TEX9: variants seen among roughly 807,000 people sequenced by gnomAD.
The protein encoded by TEX9 is testis expressed 9.
TEX9 carries 74 observed loss-of-function variants against 59.6 expected under a neutral mutation model. The observed-to-expected ratio is 1.24, with a 90% CI of 1.03 to 1.51. TEX9 has a LOEUF of 1.51. Among genes scored for constraint, TEX9 ranks in the 40% most tolerant of loss-of-function variants. TEX9 has a pLI of 0.00. For synonymous variants in TEX9, 186 were observed against 152.2 expected, an observed-to-expected ratio of 1.22 and a Z score of -1.64; for missense variants, 522 against 447.8, an observed-to-expected ratio of 1.17 and a Z score of -1.49.
chr15:56,391,315 C>T, exon 7 of TEX9: 1 of 1,605,714 alleles, frequency 6.2e-7, no homozygotes, highest in African/African-American at 1.3e-5. Flanking sequence ...CAGACTTTTC[C>T]CTTGCAAAAA....
intron 1 of TEX9, among the ~76,000 whole-genome samples, chr15:56,325,831 C>A (rs1163224166): frequency 1.3e-5 from 2 of 151,988 alleles, no homozygotes; most frequent in Admixed American, 6.5e-5. Flanking sequence ...ATTTTTTGAC[C>A]AAAATTTAGT....
chr15:56,394,580 A>G (rs1332873904), intron 8 of TEX9, 81 bp from the exon 9 acceptor site: 9 of 1,046,154 alleles, frequency 8.6e-6, no homozygotes, highest in Non-Finnish European at 9.7e-6. Context: ...CAAAGAACAT[A>G]TGAAACGTCT....
At chr15:56,392,920 G>T (rs1020073358) in intron 7 of TEX9, among the ~76,000 whole-genome samples, 2 of 152,032 alleles carry the variant, frequency 1.3e-5, no homozygotes, top group African/African-American at 2.4e-5. Flanking sequence ...TTCTCTTTTG[G>T]GAGAATTTTC....
upstream of TEX9, among the ~76,000 whole-genome samples, chr15:56,362,336 TAGG>T (rs1216311616): frequency 6.6e-6 from 1 of 152,196 alleles, no homozygotes; most frequent in Non-Finnish European, 1.5e-5. Context: ...ACACTACTGT[TAGG>T]AGGATTTACA....
chr15:56,299,178 C>G (rs1315493102), intron 1 of TEX9, among the ~76,000 whole-genome samples: 1 of 152,178 alleles, frequency 6.6e-6, no homozygotes, highest in African/African-American at 2.4e-5. Context: ...CATGCCCCAG[C>G]AGTAGCAATG....
intron 10 of TEX9, among the ~76,000 whole-genome samples, chr15:56,421,029 G>C (rs1275284223): frequency 1.3e-5 from 2 of 151,728 alleles, no homozygotes; most frequent in Non-Finnish European, 2.9e-5. Context: ...TTTGTTAGGT[G>C]GAGTATTCTA....
chr15:56,317,569 G>T (rs755409988), intron 1 of TEX9, among the ~76,000 whole-genome samples: 2 of 151,810 alleles, frequency 1.3e-5, no homozygotes, highest in Non-Finnish European at 2.9e-5. Flanking sequence ...CCTTCTACTT[G>T]CTTTGAATTT....
chr15:56,310,535 G>A (rs1208556710), intron 1 of TEX9, among the ~76,000 whole-genome samples: 5 of 152,226 alleles, frequency 3.3e-5, no homozygotes, highest in African/African-American at 1.2e-4. Context: ...GAGGAGCCAA[G>A]TAGAGCTTGG....
intron 3 of TEX9, among the ~76,000 whole-genome samples, chr15:56,382,283 G>C (rs2047766967): frequency 6.6e-6 from 1 of 152,210 alleles, no homozygotes; most frequent in East Asian, 1.9e-4. Flanking sequence ...CCCTGGGCAA[G>C]TCTAGAAATG....
At chr15:56,419,564 T>C (rs2049865645) in intron 10 of TEX9, among the ~76,000 whole-genome samples, 1 of 151,908 alleles carries the variant, frequency 6.6e-6, no homozygotes. Flanking sequence ...AAAACAACCT[T>C]GTATTCCTGG....
chr15:56,338,502 A>G (rs1300438306), intron 1 of TEX9, among the ~76,000 whole-genome samples: 3 of 152,238 alleles, frequency 2.0e-5, no homozygotes, highest in African/African-American at 7.2e-5. Context: ...GGTCTGAGAC[A>G]GTGATCCCTT....
chr15:56,438,104 G>C (rs2050759289), intron 12 of TEX9, among the ~76,000 whole-genome samples: 1 of 151,980 alleles, frequency 6.6e-6, no homozygotes, highest in Non-Finnish European at 1.5e-5. Flanking sequence ...TCACAGAATT[G>C]GAAAAAACTA....
chr15:56,252,378 C>CTTTTTT (rs1567062567), intron 1 of TEX9, among the ~76,000 whole-genome samples: 2 of 73,638 alleles, frequency 2.7e-5, no homozygotes, highest in Non-Finnish European at 2.8e-5. Context: ...ATTAGAAAAA[C>CTTTTTT]CTTTTTTTTT....
intron 10 of TEX9, among the ~76,000 whole-genome samples, chr15:56,415,386 T>G (rs2049623667): frequency 6.6e-6 from 1 of 151,950 alleles, no homozygotes; most frequent in East Asian, 1.9e-4. Flanking sequence ...ATTTAAGTTT[T>G]TAGTTCATCT....
At chr15:56,439,521 A>G (rs183993083) in intron 12 of TEX9, among the ~76,000 whole-genome samples, 42 of 152,068 alleles carry the variant, frequency 2.8e-4, no homozygotes, top group African/African-American at 9.6e-4. Context: ...GGATGGATAC[A>G]TAGACCAACA....
chr15:56,373,122 A>G (rs1427231506), intron 2 of TEX9, among the ~76,000 whole-genome samples: 1 of 152,208 alleles, frequency 6.6e-6, no homozygotes, highest in African/African-American at 2.4e-5. Context: ...TAGGCTAATA[A>G]CGAGGAGGTG....
chr15:56,324,666 A>T (rs1470394946), intron 1 of TEX9, among the ~76,000 whole-genome samples: 2 of 152,176 alleles, frequency 1.3e-5, no homozygotes, highest in Admixed American at 6.6e-5. Context: ...TACCCTTTGG[A>T]ATGGTGCTCT....
At chr15:56,295,888 C>T (rs1229858162) in intron 1 of TEX9, among the ~76,000 whole-genome samples, 1 of 152,186 alleles carries the variant, frequency 6.6e-6, no homozygotes, top group African/African-American at 2.4e-5. Context: ...TCTTGAGGGG[C>T]TGAATCTTTT....
chr15:56,334,763 G>A (rs1373367299), intron 1 of TEX9, among the ~76,000 whole-genome samples: 5 of 152,032 alleles, frequency 3.3e-5, no homozygotes, highest in Non-Finnish European at 7.4e-5. Context: ...TCTGACAAGC[G>A]ATTAATAACC....
Sources: gnomAD v4.1 joint callset for allele counts (sites outside exome capture counted in the v4.1 genomes callset) on GRCh38, gnomAD v4.1.1 for gene constraint, MANE v1.5 for transcripts, NCBI Gene and HGNC (gene_info 2026-07-23, HGNC 2026-07-21) for gene names.